SNTG1: variants seen among roughly 807,000 people sequenced by gnomAD.
SNTG1 encodes gamma-1-syntrophin.
SNTG1 carries 39 observed loss-of-function variants against 74.7 expected under a neutral mutation model. The ratio of observed to expected loss-of-function variants is 0.52; its 90% CI spans 0.40 to 0.68. The LOEUF is 0.68. Among genes scored for constraint, SNTG1 ranks in the 30% least tolerant of loss-of-function variants. The pLI is 0.00. For missense variants in SNTG1, 685 were observed against 609.5 expected (o/e 1.12, Z -1.30); for synonymous variants, 254 against 217.1 (o/e 1.17, Z -1.49).
intron 1 of SNTG1, among the ~76,000 whole-genome samples, chr8:50,041,588 T>C (rs1305841866): frequency 1.3e-5 from 2 of 152,214 alleles, no homozygotes; most frequent in East Asian, 1.9e-4. Flanking sequence ...CATCCTCTTT[T>C]ATCCAGTTTG....
chr8:50,159,820 GT>G (rs1250311037), intron 1 of SNTG1, among the ~76,000 whole-genome samples: 2 of 152,040 alleles, frequency 1.3e-5, no homozygotes, highest in African/African-American at 2.4e-5. Flanking sequence ...GGTCTTACAG[GT>G]TCCATTATAT....
chr8:50,261,495 A>C (rs1245380113), intron 2 of SNTG1, among the ~76,000 whole-genome samples: 2 of 152,178 alleles, frequency 1.3e-5, no homozygotes, highest in Middle Eastern at 3.4e-3. Context: ...TAAAGGTAAA[A>C]ATTTTTTTTA....
intron 17 of SNTG1, among the ~76,000 whole-genome samples, chr8:50,718,897 A>G (rs565508384): frequency 8.9e-4 from 136 of 152,320 alleles, no homozygotes; most frequent in African/African-American, 3.2e-3. Flanking sequence ...CCTGCAGACA[A>G]CCTTGAGGAG....
chr8:50,317,247 T>C (rs1400319252), intron 2 of SNTG1, among the ~76,000 whole-genome samples: 4 of 152,214 alleles, frequency 2.6e-5, no homozygotes, highest in Non-Finnish European at 5.9e-5. Context: ...CTTTGCAAGC[T>C]GGCATGTAGG....
chr8:50,251,886 T>A (rs1265135557), intron 2 of SNTG1, among the ~76,000 whole-genome samples: 1 of 152,070 alleles, frequency 6.6e-6, no homozygotes, highest in Non-Finnish European at 1.5e-5. Context: ...TACAGAACAT[T>A]CCATCTACAG....
intron 1 of SNTG1, among the ~76,000 whole-genome samples, chr8:50,046,964 T>C (rs941654433): frequency 3.3e-5 from 5 of 152,194 alleles, no homozygotes; most frequent in Admixed American, 6.5e-5. Flanking sequence ...TAAAATGTCA[T>C]TTATGTTATT....
chr8:50,703,907 A>G (rs977950924), intron 15 of SNTG1, among the ~76,000 whole-genome samples: 5 of 152,306 alleles, frequency 3.3e-5, no homozygotes, highest in Admixed American at 3.3e-4. Flanking sequence ...TTAAAATGCT[A>G]TATCTGACAT....
chr8:50,400,018 G>T (rs951504876), intron 3 of SNTG1, among the ~76,000 whole-genome samples: 1 of 152,184 alleles, frequency 6.6e-6, no homozygotes, highest in African/African-American at 2.4e-5. Flanking sequence ...GTATATGATA[G>T]AGGGCAAAAG....
chr8:49,934,084 G>A (rs1234684668), intron 1 of SNTG1, among the ~76,000 whole-genome samples: 1 of 152,140 alleles, frequency 6.6e-6, no homozygotes, highest in Non-Finnish European at 1.5e-5. Flanking sequence ...ATGAGTGTGT[G>A]GACGTAAGTC....
At chr8:50,284,584 G>T (rs1323141056) in intron 2 of SNTG1, among the ~76,000 whole-genome samples, 1 of 152,074 alleles carries the variant, frequency 6.6e-6, no homozygotes, top group African/African-American at 2.4e-5. Flanking sequence ...ACCACAAAAT[G>T]CTCCAATTTC....
intron 1 of SNTG1, among the ~76,000 whole-genome samples, chr8:49,939,761 C>T (rs962854751): frequency 7.9e-5 from 12 of 152,104 alleles, no homozygotes; most frequent in African/African-American, 2.9e-4. Flanking sequence ...CTATGTTTAG[C>T]AAAGGCCCAC....
chr8:50,391,449 G>A (rs1226373651), intron 2 of SNTG1, among the ~76,000 whole-genome samples: 1 of 152,076 alleles, frequency 6.6e-6, no homozygotes, highest in Admixed American at 6.5e-5. Context: ...TAAGCTTTTC[G>A]ATGTGCTGCT....
intron 4 of SNTG1, among the ~76,000 whole-genome samples, chr8:50,422,153 C>T (rs2093096476): frequency 6.6e-6 from 1 of 152,106 alleles, no homozygotes; most frequent in African/African-American, 2.4e-5. Flanking sequence ...CTAATAAGAC[C>T]ACTTCTGTTT....
intron 8 of SNTG1, among the ~76,000 whole-genome samples, chr8:50,460,740 G>A (rs2093553523): frequency 6.6e-6 from 1 of 152,048 alleles, no homozygotes; most frequent in South Asian, 2.1e-4. Flanking sequence ...ATTGAATAGG[G>A]AGTCCTTTCT....
chr8:50,231,848 T>C (rs1224901307), intron 2 of SNTG1, among the ~76,000 whole-genome samples: 1 of 151,342 alleles, frequency 6.6e-6, no homozygotes, highest in Non-Finnish European at 1.5e-5. Flanking sequence ...CATTTCAGTT[T>C]TGCTGAGAGT....
intron 1 of SNTG1, among the ~76,000 whole-genome samples, chr8:49,935,859 C>G (rs145389124): frequency 6.6e-6 from 1 of 152,218 alleles, no homozygotes; most frequent in Non-Finnish European, 1.5e-5. Context: ...TTCATTCTCC[C>G]TTCATCTTCC....
Position 50,792,849 on chromosome 8 carries a change from A to G in SNTG1, c.*20A>G. 1 of 1,609,102 alleles carries G rather than the reference A, an allele frequency of 6.2e-7. No homozygotes were observed. The highest frequency in any genetic ancestry group is 1.3e-5 in the African/African-American group (1 of 74,850). ...ACTTGACATACTGAACTCTTCATTG[A>G]CACACCCCATGACTGTATAAGCAGG... is the stretch of plus-strand genomic sequence containing the variant. On this transcript the variant is annotated 3_prime_UTR_variant, in exon 19 of 19. Coordinates refer to ENST00000642720, the MANE Select transcript of SNTG1 (RefSeq NM_018967.5).
intron 12 of SNTG1, among the ~76,000 whole-genome samples, chr8:50,585,991 C>T (rs1487752972): frequency 1.3e-5 from 2 of 152,120 alleles, no homozygotes; most frequent in African/African-American, 2.4e-5. Context: ...TCCACCAGTG[C>T]CACTTATGAG....
At chr8:50,660,651 A>T (rs2095218031) in intron 15 of SNTG1, among the ~76,000 whole-genome samples, 1 of 152,180 alleles carries the variant, frequency 6.6e-6, no homozygotes. Flanking sequence ...CTTAGACTTA[A>T]ATTATTTTCT....
Sources: allele counts gnomAD v4.1 joint callset (sites outside exome capture counted in the v4.1 genomes callset), GRCh38; gene constraint gnomAD v4.1.1; transcripts MANE v1.5; gene names NCBI Gene and HGNC (gene_info 2026-07-23, HGNC 2026-07-21).